Variants in TFF2 observed in about 807,000 individuals in gnomAD.
TFF2 encodes the protein trefoil factor 2.
Under a neutral mutation model 16.0 loss-of-function variants are expected in TFF2, and 19 were observed. The observed-to-expected ratio is 1.19, with a 90% CI of 0.83 to 1.74. The LOEUF (loss-of-function observed/expected upper bound fraction) is 1.74. Among genes scored for constraint, TFF2 ranks in the 40% most tolerant of loss-of-function variants. The pLI is 0.00. For synonymous variants in TFF2, 61 were observed against 65.4 expected (o/e 0.93, Z 0.32); for missense variants, 168 against 166.8 (o/e 1.01, Z -0.04).
At chr21:42,347,374 C>T in intron 3 of TFF2, 112 bp downstream of exon 3, 4 of 1,446,336 alleles carry the variant, frequency 2.8e-6, no homozygotes, top group Admixed American at 3.7e-5. Flanking sequence ...GGGCCCTGGC[C>T]TCGATGGCAC....
chr21:42,346,623 C>T (rs371330066), intron 3 of TFF2, 77 bp from the exon 4 acceptor site: 89 of 1,483,276 alleles, frequency 6.0e-5, no homozygotes, highest in Non-Finnish European at 7.9e-5. Context: ...CTGGGGTGGG[C>T]GTGCATCACT....
chr21:42,346,601 T>G, intron 3 of TFF2, 55 bp from the exon 4 acceptor site: 13 of 1,561,472 alleles, frequency 8.3e-6, no homozygotes, highest in Non-Finnish European at 1.1e-5. Flanking sequence ...TGGGAGTGCC[T>G]AGGCTGCGAA....
chr21:42,350,646 C>T (rs890212654), intron 1 of TFF2, among the ~76,000 whole-genome samples: 30 of 152,162 alleles, frequency 2.0e-4, no homozygotes, highest in Non-Finnish European at 1.5e-5. Flanking sequence ...GTGGGAATGC[C>T]CTCCTGGCCC....
rs933249545 is a variant in TFF2 at position 42,350,001 on chromosome 21, G to A, written c.109C>T (p.His37Tyr). ...GGGAAGCCGCAGTTCGTCCTGTTATGGGGGCTCAGCCTGGAGCACTGGCAG... is the reference window on the plus strand; with the variant it reads ...GGGAAGCCGCAGTTCGTCCTGTTATAGGGGCTCAGCCTGGAGCACTGGCAG... ...SPCQCSRLSP[H>Y]NRTNCGFPGI... The change falls in exon 2 of 4, where the codon CAT becomes TAT. Residue 37 changes from histidine to tyrosine, a missense_variant. Transcript: ENST00000291526. 3.1e-6 allele frequency: 5 copies of A among 1,600,360 alleles called. No individual in the cohort carries two copies. The highest frequency in any genetic ancestry group is 4.3e-6 in the Non-Finnish European group (5 of 1,173,304).
intron 3 of TFF2, among the ~76,000 whole-genome samples, 172 bp from the exon 4 acceptor site, chr21:42,346,718 A>C (rs975390570): frequency 2.6e-5 from 4 of 152,186 alleles, no homozygotes; most frequent in East Asian, 3.8e-4. Flanking sequence ...CCCAGGCCAG[A>C]GTTTCCTCTG....
rs187405327 is a variant in TFF2 at position 42,348,159 on chromosome 21, G to A, written c.230-527C>T. Among the ~76,000 whole-genome samples, 15 of 152,328 alleles carry A rather than the reference G, an allele frequency of 9.8e-5. No individual in the cohort carries two copies. In the East Asian group the frequency reaches 2.5e-3, roughly 25 times the overall value. On this transcript the variant is annotated intron_variant, in intron 2 of 3. Coordinates refer to ENST00000291526, the MANE Select transcript of TFF2 (RefSeq NM_005423.5). ...GCCTCCCAGCAACAATCTTGGGGAT[G>A]AATCCTCCTTCTCCAGAGGACGTGC...
Position 42,347,735 on chromosome 21 carries a change from G to C in TFF2, c.230-103C>G. 3.5e-6 allele frequency: 5 copies of C among 1,436,662 alleles called. No individual in the cohort carries two copies. The South Asian group carries it at 5.3e-5, about 15-fold the overall frequency. The allele number at this position is 1,436,662 out of a possible 1,614,324, so 89.0% of individuals were successfully genotyped here. On this transcript the variant is annotated intron_variant, in intron 2 of 3. Coordinates refer to ENST00000291526, the MANE Select transcript of TFF2 (RefSeq NM_005423.5). ...AGAGCAGCGCTGATTTGCAGCCTCC[G>C]TGGATCATGAGGTGCTGCCTGGGGC...
intron 3 of TFF2, among the ~76,000 whole-genome samples, chr21:42,347,060 G>A (rs2052074273): frequency 6.6e-6 from 1 of 152,192 alleles, no homozygotes; most frequent in Non-Finnish European, 1.5e-5. Flanking sequence ...TTTGTCATTC[G>A]GGGTCATGTG....
chr21:42,346,391 T>G lies in TFF2; in HGVS notation c.*142A>C. 4 of 1,115,584 alleles carry G rather than the reference T, an allele frequency of 3.6e-6. No homozygotes were observed. Among genetic ancestry groups the G allele is most frequent in the Non-Finnish European group, 5.3e-6 (4 of 757,316 alleles). The allele number at this position is 1,115,584 out of a possible 1,614,324, so 69.1% of individuals were successfully genotyped here. A position where few individuals can be genotyped will look rare whatever the true frequency, so the allele number is the denominator to read the frequency against. ...TTTTAAGGGTTTTATTTAAAGAAAT[T>G]ATATGTTAAACCATTGAAAATGAGG... On this transcript the variant is annotated 3_prime_UTR_variant, in exon 4 of 4. Coordinates refer to ENST00000291526, the MANE Select transcript of TFF2 (RefSeq NM_005423.5).
At chr21:42,347,990 C>T (rs375685492) in intron 2 of TFF2, among the ~76,000 whole-genome samples, 20 of 152,202 alleles carry the variant, frequency 1.3e-4, no homozygotes, top group African/African-American at 3.4e-4. Flanking sequence ...GGTGGTCCCC[C>T]GGGCCAAGAT....
chr21:42,350,916 G>A lies in TFF2; in HGVS notation c.42C>T (p.Val14=), dbSNP rs2052112298. 6.2e-7 allele frequency: 1 copy of A among 1,613,880 alleles called. No homozygotes were observed. Among genetic ancestry groups the A allele is most frequent in the South Asian group, 1.1e-5 (1 of 91,022 alleles). The change falls in exon 1 of 4, where the codon GTC becomes GTT. Residue 14 remains valine (V), a synonymous_variant. Coordinates refer to ENST00000291526, the MANE Select transcript of TFF2 (RefSeq NM_005423.5). ...RDAQLLAALL[V]LGLCALAGSE... ...TCCCCGCCAGGGCACATAGCCCCAGGACGAGGAGCGCTGCCAGGAGCTGGG... is the reference window on the plus strand; with the variant it reads ...TCCCCGCCAGGGCACATAGCCCCAGAACGAGGAGCGCTGCCAGGAGCTGGG...
In TFF2 at chr21:42,346,464, A is replaced by G; in HGVS notation, c.*69T>C. 6.4e-7 allele frequency: 1 copy of G among 1,555,676 alleles called. No homozygotes were observed. The highest frequency in any genetic ancestry group is 8.7e-7 in the Non-Finnish European group (1 of 1,150,340). On this transcript the variant is annotated 3_prime_UTR_variant, in exon 4 of 4. Transcript: ENST00000291526. ...GGATTTCATGAAGTATGAAGCTGAT[A>G]AGGCGAAGTTTCTTCTTTGGTTTCG...
At chr21:42,350,076 C>A in intron 1 of TFF2, 46 bp from the exon 2 acceptor site, 1 of 1,560,272 alleles carries the variant, frequency 6.4e-7, no homozygotes, top group African/African-American at 1.4e-5. Context: ...CCCCAGACCA[C>A]ACTGCTCCTT....
chr21:42,347,582 G>A lies in TFF2; in HGVS notation c.280C>T (p.Pro94Ser), dbSNP rs1232743401. The stretch of plus-strand genomic sequence containing the variant: ...GCGCATTCCTCGGGGCTGATGCCCG[G>A]GTAGCCACAGTTTCTTCGGTCTGAG... Reference protein sequence around the residue: ...EVSDRRNCGYPGISPEECASR... With the variant: ...EVSDRRNCGYSGISPEECASR... Residue 94 changes from proline to serine, a missense_variant, in exon 3 of 4, where the codon CCG becomes TCG. Coordinates refer to ENST00000291526, the MANE Select transcript of TFF2 (RefSeq NM_005423.5). The A allele has an allele frequency of 6.2e-7, 1 of 1,614,082 alleles. No individual in the cohort carries two copies. Among genetic ancestry groups the A allele is most frequent in the Non-Finnish European group, 8.5e-7 (1 of 1,180,038 alleles).
intron 2 of TFF2, 149 bp downstream of exon 2, chr21:42,349,732 A>G: frequency 1.2e-6 from 1 of 802,056 alleles, no homozygotes; most frequent in East Asian, 2.7e-5. Context: ...GCCCCAGACT[A>G]ACCAACCGGG....
At chr21:42,348,182 T>G (rs374894971) in intron 2 of TFF2, among the ~76,000 whole-genome samples, 29 of 152,118 alleles carry the variant, frequency 1.9e-4, no homozygotes, top group African/African-American at 7.0e-4. Context: ...CCAGAGGACG[T>G]GCCTGGTTCC....
chr21:42,346,928 T>C (rs1473721849), intron 3 of TFF2, among the ~76,000 whole-genome samples: 2 of 152,208 alleles, frequency 1.3e-5, no homozygotes, highest in Middle Eastern at 3.2e-3. Flanking sequence ...TGGTCTTTTT[T>C]TACCTCGCCA....
intron 2 of TFF2, among the ~76,000 whole-genome samples, chr21:42,349,116 G>A (rs534850174): frequency 7.8e-5 from 11 of 141,474 alleles, no homozygotes; most frequent in Admixed American, 2.9e-4. Context: ...GGCTAGCTCC[G>A]ATTAACCAAC....
At chr21:42,350,083 C>T (rs1306203373) in intron 1 of TFF2, 53 bp from the exon 2 acceptor site, 1 of 1,550,192 alleles carries the variant, frequency 6.5e-7, no homozygotes, top group Non-Finnish European at 8.7e-7. Flanking sequence ...CCACACTGCT[C>T]CTTCTCTCAG....
Sources: allele counts gnomAD v4.1 joint callset (sites outside exome capture counted in the v4.1 genomes callset), GRCh38; gene constraint gnomAD v4.1.1; transcripts MANE v1.5; gene names NCBI Gene and HGNC (gene_info 2026-07-23, HGNC 2026-07-21).